RBFOX1: variants seen among roughly 807,000 people sequenced by gnomAD.
RBFOX1 encodes RNA binding fox-1 homolog 1, also known as RNA binding protein fox-1 homolog 1.
RBFOX1 carries 8 observed loss-of-function variants against 57.7 expected under a neutral mutation model. The observed-to-expected ratio is 0.14, with a 90% CI of 0.08 to 0.25. RBFOX1 has a LOEUF of 0.25. RBFOX1 is among the 10% of genes least tolerant of loss of function. The pLI is 1.00. For missense variants in RBFOX1, 611 were observed against 548.5 expected (o/e 1.11, Z -1.14); for synonymous variants, 326 against 222.4 (o/e 1.47, Z -4.15).
intron 1 of RBFOX1, among the ~76,000 whole-genome samples, chr16:6,142,138 A>C (rs2096721002): frequency 6.8e-6 from 1 of 147,060 alleles, no homozygotes; most frequent in Non-Finnish European, 1.5e-5. Flanking sequence ...TTTCTCTAAA[A>C]AATCAGCTTT....
intron 3 of RBFOX1, among the ~76,000 whole-genome samples, chr16:7,014,243 C>G (rs1017447361): frequency 6.6e-6 from 1 of 152,012 alleles, no homozygotes; most frequent in Non-Finnish European, 1.5e-5. Context: ...TGGAGTCTCG[C>G]TCTGTCGCCC....
intron 3 of RBFOX1, among the ~76,000 whole-genome samples, chr16:5,761,370 T>A (rs1342311196): frequency 6.6e-6 from 1 of 152,204 alleles, no homozygotes; most frequent in Non-Finnish European, 1.5e-5. Context: ...TAGTTATTTA[T>A]TTCCCAAGGA....
chr16:5,273,112 G>C (rs1356736784), intron 1 of RBFOX1, among the ~76,000 whole-genome samples: 4 of 152,174 alleles, frequency 2.6e-5, no homozygotes, highest in African/African-American at 9.7e-5. Context: ...AAGAGGCAGA[G>C]GGAGGTTTCC....
intron 2 of RBFOX1, among the ~76,000 whole-genome samples, chr16:5,592,044 C>A (rs1413334642): frequency 6.6e-6 from 1 of 152,022 alleles, no homozygotes; most frequent in Non-Finnish European, 1.5e-5. Flanking sequence ...TAATATATTG[C>A]CTTATTTGCA....
rs1050548825 is a variant in RBFOX1, at chr16:5,501,299, C to G, written c.258+34045C>G. Among the ~76,000 whole-genome samples, 52 of 68,702 alleles carry G rather than the reference C, an allele frequency of 7.6e-4. 1 individual carries two copies. Among genetic ancestry groups the G allele is most frequent in the Admixed American group, 2.5e-4 (1 of 4,050 alleles). 45.1% of individuals were successfully genotyped at this position (68,702 alleles called of 152,430 possible). On this transcript the variant is annotated intron_variant, in intron 2 of 2. Coordinates refer to the RBFOX1 transcript ENST00000585867. ...CTCCACTACATTCCAGCCTGGATGA[C>G]AAAACGAGACTCTGTCTACAAAAAA...
At chr16:5,711,586 C>G (rs566408892) in intron 3 of RBFOX1, among the ~76,000 whole-genome samples, 1 of 152,256 alleles carries the variant, frequency 6.6e-6, no homozygotes, top group Non-Finnish European at 1.5e-5. Context: ...AGGCCGTGGT[C>G]ATAGGGAGCC....
In RBFOX1 at chr16:7,214,421, G is replaced by C. The variant is rs536374744; in HGVS notation, c.27+162323G>C. ...CTCCTTAATTCCTCTCTCATGGGCA[G>C]ACTGCTCCCTTCCTATTCTAAATCA... On this transcript the variant is annotated intron_variant, in intron 4 of 15. Transcript: ENST00000550418. 1.6e-4 allele frequency among the ~76,000 whole-genome samples: 24 copies of C among 152,162 alleles called. No individual in the cohort carries two copies. The South Asian group carries it at 4.8e-3, about 30-fold the overall frequency.
chr16:5,754,511 G>T (rs2151627821), intron 3 of RBFOX1, among the ~76,000 whole-genome samples: 1 of 140,920 alleles, frequency 7.1e-6, no homozygotes, highest in East Asian at 2.2e-4. Flanking sequence ...CGGGGAACCA[G>T]CGTTCAGCAT....
intron 4 of RBFOX1, among the ~76,000 whole-genome samples, chr16:5,961,977 C>T (rs774166095): frequency 2.9e-4 from 44 of 152,168 alleles, no homozygotes; most frequent in Admixed American, 1.3e-4. Context: ...AGTGTGGTAG[C>T]TCGATGAAGG....
intron 3 of RBFOX1, among the ~76,000 whole-genome samples, chr16:5,787,566 G>T (rs2054545562): frequency 6.6e-6 from 1 of 152,196 alleles, no homozygotes; most frequent in Non-Finnish European, 1.5e-5. Context: ...ATACCCCACA[G>T]ACAAAACACA....
At chr16:5,424,993 C>CTTT (rs370514698) in intron 1 of RBFOX1, among the ~76,000 whole-genome samples, 1 of 40,596 alleles carries the variant, frequency 2.5e-5, no homozygotes, top group Non-Finnish European at 5.9e-5. Flanking sequence ...CTTTTCTTTT[C>CTTT]TTTTCTTTTC....
At chr16:6,427,851 A>G (rs1266292380) in intron 2 of RBFOX1, among the ~76,000 whole-genome samples, 7 of 152,108 alleles carry the variant, frequency 4.6e-5, no homozygotes, top group Admixed American at 4.6e-4. Flanking sequence ...CTCTTGGTTC[A>G]CCCGTTACCA....
rs143156509 is a variant in RBFOX1, at chr16:5,290,852, C to T, written c.219+50747C>T. 3.5e-4 allele frequency among the ~76,000 whole-genome samples: 54 copies of T among 152,220 alleles called. 1 individual carries two copies. The highest frequency in any genetic ancestry group is 6.6e-4 in the Non-Finnish European group (45 of 68,014). ...TAGCTGGGATTACAGGCACCCACCACCACACCTGGCTAATTTTTGGATATT... is the reference window on the plus strand; with the variant it reads ...TAGCTGGGATTACAGGCACCCACCATCACACCTGGCTAATTTTTGGATATT... On this transcript the variant is annotated intron_variant, in intron 1 of 2. Coordinates refer to the RBFOX1 transcript ENST00000585867.
chr16:7,541,783 C>G (rs1231694621), intron 5 of RBFOX1, among the ~76,000 whole-genome samples: 1 of 152,182 alleles, frequency 6.6e-6, no homozygotes, highest in Non-Finnish European at 1.5e-5. Context: ...TTTTTTGAGT[C>G]TCTGTTTCTT....
chr16:6,546,027 A>T (rs904368898), intron 2 of RBFOX1, among the ~76,000 whole-genome samples: 1 of 152,252 alleles, frequency 6.6e-6, no homozygotes. Flanking sequence ...TCTAAATAAA[A>T]TACACAAACA....
chr16:7,052,131 T>C, intron 4 of RBFOX1, 33 bp downstream of exon 4: 1 of 1,585,298 alleles, frequency 6.3e-7, no homozygotes, highest in Middle Eastern at 1.7e-4. Flanking sequence ...TGCTTCCTGA[T>C]TCTCATTTTT....
chr16:6,585,149 A>G (rs1022916398), intron 2 of RBFOX1, among the ~76,000 whole-genome samples: 2 of 152,144 alleles, frequency 1.3e-5, no homozygotes, highest in Non-Finnish European at 2.9e-5. Context: ...GCAAAGAAAA[A>G]AATTATTCCA....
chr16:7,467,741 G>C (rs1265652450), intron 4 of RBFOX1, among the ~76,000 whole-genome samples: 1 of 152,182 alleles, frequency 6.6e-6, no homozygotes, highest in Non-Finnish European at 1.5e-5. Context: ...ATCTTCCCAT[G>C]GTGCACATGC....
intron 3 of RBFOX1, among the ~76,000 whole-genome samples, chr16:5,626,181 C>G (rs748297611): frequency 2.2e-4 from 34 of 152,200 alleles, no homozygotes; most frequent in African/African-American, 2.4e-5. Context: ...CACCTGACCT[C>G]TTTAATATTT....
Sources: gnomAD v4.1 joint callset for allele counts (sites outside exome capture counted in the v4.1 genomes callset) on GRCh38, gnomAD v4.1.1 for gene constraint, MANE v1.5 for transcripts, NCBI Gene and HGNC (gene_info 2026-07-23, HGNC 2026-07-21) for gene names.